The following ZMYM2 variants were observed in gnomAD, a reference collection of about 807,000 sequenced individuals.
ZMYM2 encodes the protein zinc finger MYM-type containing 2.
In ZMYM2, 56 loss-of-function variants were observed where a neutral mutation model predicts 162.8. That is an observed-to-expected ratio of 0.34 (90% CI 0.28 to 0.43). The LOEUF is 0.43. ZMYM2 is among the 20% of genes least tolerant of loss of function. ZMYM2 has a pLI of 1.00. For synonymous variants in ZMYM2, 510 were observed against 541.6 expected (o/e 0.94, Z 0.81); for missense variants, 1,275 against 1,621.8 (o/e 0.79, Z 3.67).
chr13:20,039,118 C>G (rs1303798774), intron 12 of ZMYM2, among the ~76,000 whole-genome samples: 1 of 152,068 alleles, frequency 6.6e-6, no homozygotes, highest in Admixed American at 6.6e-5. Flanking sequence ...GATTTTTGTA[C>G]ATTGATTTTG....
intron 6 of ZMYM2, among the ~76,000 whole-genome samples, chr13:20,017,700 CTTT>C (rs1187267469): frequency 1.3e-5 from 2 of 151,820 alleles, no homozygotes; most frequent in East Asian, 1.9e-4. Context: ...GGGTTGGGTA[CTTT>C]TTATTATTCT....
chr13:19,885,979 A>ATGTGTATATATATG, the ZMYM2 span, among the ~76,000 whole-genome samples: 18 of 34,072 alleles, frequency 5.3e-4, 6 homozygotes, highest in African/African-American at 1.6e-3. Context: ...ACACATATAT[A>ATGTGTATATATATG]TGTATATACA....
chr13:20,023,337 A>G (rs2140216633), intron 7 of ZMYM2, among the ~76,000 whole-genome samples: 1 of 152,368 alleles, frequency 6.6e-6, no homozygotes. Context: ...AGCAGCAGGT[A>G]CATCAAGCCA....
intron 2 of ZMYM2, among the ~76,000 whole-genome samples, chr13:19,967,471 A>T (rs1448961856): frequency 6.6e-6 from 1 of 152,224 alleles, no homozygotes; most frequent in South Asian, 2.1e-4. Flanking sequence ...TGCCCTGCTC[A>T]TGAAGGGAGT....
chr13:20,075,669 C>CTTTTTTTTTTT (rs1566463477), intron 21 of ZMYM2, among the ~76,000 whole-genome samples: 2 of 109,326 alleles, frequency 1.8e-5, no homozygotes, highest in Non-Finnish European at 3.3e-5. Context: ...ACTATAGACA[C>CTTTTTTTTTTT]CTTTTTTTTT....
intron 14 of ZMYM2, 86 bp from the exon 15 acceptor site, chr13:20,058,489 C>T: frequency 1.3e-6 from 2 of 1,484,688 alleles, no homozygotes; most frequent in Non-Finnish European, 1.8e-6. Context: ...GTGTTCCCTT[C>T]TTAGGACTGA....
chr13:19,918,111 C>T, the ZMYM2 span, among the ~76,000 whole-genome samples: 1 of 151,974 alleles, frequency 6.6e-6, no homozygotes, highest in African/African-American at 2.4e-5. Flanking sequence ...GATAATATCT[C>T]CACACCCTGG....
chr13:19,953,608 C>T, the ZMYM2 span, among the ~76,000 whole-genome samples: 2 of 137,574 alleles, frequency 1.5e-5, no homozygotes, highest in African/African-American at 5.4e-5. Flanking sequence ...TGCTTAAATC[C>T]AGGAGGCAGA....
At chr13:20,070,358 GC>G in intron 21 of ZMYM2, 1 of 207,282 alleles carries the variant, frequency 4.8e-6, no homozygotes, top group Non-Finnish European at 1.1e-5. Flanking sequence ...TTGGTTCCTT[GC>G]ATTTATTCAT....
At chr13:20,000,518 G>A (rs770152879) in intron 3 of ZMYM2, among the ~76,000 whole-genome samples, 4 of 152,184 alleles carry the variant, frequency 2.6e-5, no homozygotes, top group Non-Finnish European at 5.9e-5. Flanking sequence ...TCTGAAAATT[G>A]TAGGGTCCTT....
the ZMYM2 span, among the ~76,000 whole-genome samples, chr13:19,875,825 C>T: frequency 2.0e-5 from 3 of 151,282 alleles, no homozygotes; most frequent in African/African-American, 7.3e-5. Flanking sequence ...CTCTAAAAAG[C>T]GGGGAGGAAA....
Position 20,083,646 on chromosome 13 carries a change from AT to A in ZMYM2, c.3821-4del. ...AGTTTAGGAGGTTTATTTCACTTTT[AT>A]TTTTTAAGATAAAATTACTACTGGA... On this transcript the variant is annotated splice_polypyrimidine_tract_variant and intron_variant, in intron 23 of 24. Transcript: ENST00000610343. 2 of 1,493,994 alleles carry A rather than the reference AT, an allele frequency of 1.3e-6. No individual in the cohort carries two copies. Among genetic ancestry groups the A allele is most frequent in the Non-Finnish European group, 1.8e-6 (2 of 1,098,728 alleles). The allele number at this position is 1,493,994 out of a possible 1,614,324, so 92.5% of individuals were successfully genotyped here.
the ZMYM2 span, among the ~76,000 whole-genome samples, chr13:19,920,398 T>C: frequency 6.6e-6 from 1 of 152,166 alleles, no homozygotes; most frequent in Admixed American, 6.6e-5. Flanking sequence ...CATCTCTTGC[T>C]CTGTGGAAAG....
chr13:20,060,971 T>A, intron 16 of ZMYM2, 82 bp from the exon 17 acceptor site: 1 of 1,324,494 alleles, frequency 7.6e-7, no homozygotes, highest in Non-Finnish European at 1.0e-6. Context: ...ACAAAGTAGA[T>A]CATGTGTCAG....
At chr13:20,067,116 A>G in intron 20 of ZMYM2, 97 bp downstream of exon 20, 1 of 1,383,014 alleles carries the variant, frequency 7.2e-7, no homozygotes, top group Non-Finnish European at 9.6e-7. Flanking sequence ...TGTAACTTAA[A>G]ATACCTGTAA....
intron 17 of ZMYM2, 134 bp downstream of exon 17, chr13:20,061,358 G>GA: frequency 1.3e-6 from 1 of 782,634 alleles, no homozygotes; most frequent in South Asian, 3.1e-5. Context: ...TAACAAAAAT[G>GA]TTTTTTATAT....
intron 12 of ZMYM2, among the ~76,000 whole-genome samples, chr13:20,042,666 T>C (rs1287203404): frequency 6.6e-6 from 1 of 152,220 alleles, no homozygotes; most frequent in African/African-American, 2.4e-5. Flanking sequence ...TTTTCATCTT[T>C]GTGGGCTTAC....
the ZMYM2 span, among the ~76,000 whole-genome samples, chr13:19,866,104 C>T: frequency 6.6e-6 from 1 of 151,152 alleles, no homozygotes; most frequent in Non-Finnish European, 1.5e-5. Flanking sequence ...CGCCTGTAAT[C>T]CCAGCTATTT....
intron 21 of ZMYM2, among the ~76,000 whole-genome samples, chr13:20,069,731 A>G (rs1336304703): frequency 6.6e-6 from 1 of 151,912 alleles, no homozygotes; most frequent in Non-Finnish European, 1.5e-5. Flanking sequence ...TATATTGGTG[A>G]TGATTTTTGC....
Sources: allele counts gnomAD v4.1 joint callset (sites outside exome capture counted in the v4.1 genomes callset), GRCh38; gene constraint gnomAD v4.1.1; transcripts MANE v1.5; gene names NCBI Gene and HGNC (gene_info 2026-07-23, HGNC 2026-07-21).